The following SNX18 variants were observed in gnomAD, a reference collection of about 807,000 sequenced individuals.
SNX18 encodes the protein sorting nexin-18.
Under a neutral mutation model 48.7 loss-of-function variants are expected in SNX18, and 35 were observed. The observed-to-expected ratio is 0.72, with a 90% confidence interval of 0.55 to 0.95. SNX18 has a LOEUF of 0.95. Ranked by LOEUF, SNX18 falls within the 40% of genes least tolerant of loss-of-function variation. The pLI is 0.00. For missense variants in SNX18, 824 were observed against 871.0 expected (o/e 0.95, Z 0.68); for synonymous variants, 492 against 384.7 (o/e 1.28, Z -3.26).
At chr5:54,550,961 T>C (rs1005513414), downstream of SNX18, among the ~76,000 whole-genome samples, 1 of 151,496 alleles carries the variant, frequency 6.6e-6, no homozygotes, top group Non-Finnish European at 1.5e-5. Context: ...GGAATGGGAA[T>C]GGGGGGCAGG....
chr5:54,565,730 T>G, the SNX18 span, among the ~76,000 whole-genome samples: 1 of 152,166 alleles, frequency 6.6e-6, no homozygotes, highest in Non-Finnish European at 1.5e-5. Context: ...CTGTTATCAG[T>G]AGGGACTTGA....
At chr5:54,534,524 T>G (rs1762314486) in intron 1 of SNX18, among the ~76,000 whole-genome samples, 1 of 152,044 alleles carries the variant, frequency 6.6e-6, no homozygotes, top group African/African-American at 2.4e-5. Flanking sequence ...CCTTGCCTGG[T>G]TAAAATGGCT....
the SNX18 span, among the ~76,000 whole-genome samples, chr5:54,627,377 G>A: frequency 7.9e-5 from 12 of 151,968 alleles, no homozygotes; most frequent in African/African-American, 2.4e-4. Flanking sequence ...CCTTTCCTGG[G>A]GATATGTTTT....
At chr5:54,605,279 A>C in the SNX18 span, among the ~76,000 whole-genome samples, 1 of 152,178 alleles carries the variant, frequency 6.6e-6, no homozygotes, top group Non-Finnish European at 1.5e-5. Context: ...CTGGGACTTA[A>C]GTCATAGACA....
the SNX18 span, among the ~76,000 whole-genome samples, chr5:54,565,936 A>G: frequency 1.3e-5 from 2 of 152,284 alleles, no homozygotes; most frequent in South Asian, 2.1e-4. Context: ...TTTCTGGGCC[A>G]TATGTGGAGA....
chr5:54,542,101 G>T (rs1031921093), intron 1 of SNX18, among the ~76,000 whole-genome samples: 3 of 152,186 alleles, frequency 2.0e-5, no homozygotes, highest in African/African-American at 7.2e-5. Flanking sequence ...GCTAGGCACA[G>T]TCGGGAAATC....
At chr5:54,521,573 T>C (rs1483253381) in intron 1 of SNX18, among the ~76,000 whole-genome samples, 1 of 151,478 alleles carries the variant, frequency 6.6e-6, no homozygotes, top group African/African-American at 2.4e-5. Flanking sequence ...TGGTGGCTCA[T>C]ACCTATAGTC....
chr5:54,526,634 A>G (rs981879455), intron 1 of SNX18, among the ~76,000 whole-genome samples: 3 of 152,212 alleles, frequency 2.0e-5, no homozygotes, highest in Non-Finnish European at 4.4e-5. Flanking sequence ...TTTATTCAAC[A>G]AATACGTATG....
intron 1 of SNX18, among the ~76,000 whole-genome samples, chr5:54,526,279 A>G (rs547906572): frequency 3.3e-5 from 5 of 151,324 alleles, no homozygotes; most frequent in African/African-American, 9.7e-5. Context: ...TAACTTTTTT[A>G]TTTTTTTTAG....
intron 1 of SNX18, among the ~76,000 whole-genome samples, chr5:54,534,242 T>TC (rs1431330482): frequency 1.3e-5 from 2 of 151,616 alleles, no homozygotes; most frequent in African/African-American, 2.4e-5. Flanking sequence ...TTTTTCTTTT[T>TC]TTTTTTTTTA....
intron 1 of SNX18, among the ~76,000 whole-genome samples, chr5:54,536,897 T>A (rs1762367947): frequency 6.6e-6 from 1 of 152,200 alleles, no homozygotes; most frequent in South Asian, 2.1e-4. Context: ...ACCTGTTGTT[T>A]CCTGATTTTC....
chr5:54,604,770 T>A, the SNX18 span, among the ~76,000 whole-genome samples: 1 of 152,156 alleles, frequency 6.6e-6, no homozygotes, highest in Admixed American at 6.5e-5. Context: ...AATGGCAAAA[T>A]TTGTGATGTA....
At chr5:54,561,174 C>T in the SNX18 span, among the ~76,000 whole-genome samples, 1 of 152,142 alleles carries the variant, frequency 6.6e-6, no homozygotes, top group Non-Finnish European at 1.5e-5. Context: ...TCCCAAGTAG[C>T]TGGGATTACA....
At chr5:54,552,627 C>T in the SNX18 span, among the ~76,000 whole-genome samples, 12 of 152,274 alleles carry the variant, frequency 7.9e-5, no homozygotes, top group Middle Eastern at 3.4e-3. Flanking sequence ...GCCATCGGCA[C>T]GGTGGAGACA....
the SNX18 span, among the ~76,000 whole-genome samples, chr5:54,588,306 C>CTTTTTTTTTTTTTTTTTTTTTTTTTTTTT: frequency 2.7e-5 from 2 of 73,910 alleles, no homozygotes; most frequent in Admixed American, 1.9e-4. Flanking sequence ...TATTTCTATT[C>CTTTTTTTTTTTTTTTTTTTTTTTTTTTTT]TTTTTTTTTT....
the SNX18 span, among the ~76,000 whole-genome samples, chr5:54,561,908 T>C: frequency 6.6e-6 from 1 of 152,180 alleles, no homozygotes; most frequent in Non-Finnish European, 1.5e-5. Flanking sequence ...GGCAACAGTA[T>C]TAAAGTTTGA....
chr5:54,588,803 G>A, the SNX18 span, among the ~76,000 whole-genome samples: 19 of 152,288 alleles, frequency 1.2e-4, no homozygotes, highest in African/African-American at 4.3e-4. Context: ...TATCATCAAA[G>A]AGAATGTAAC....
At chr5:54,607,572 C>T in the SNX18 span, among the ~76,000 whole-genome samples, 1 of 152,120 alleles carries the variant, frequency 6.6e-6, no homozygotes, top group African/African-American at 2.4e-5. Flanking sequence ...GTATGCATCA[C>T]AATTTGTTTA....
the SNX18 span, among the ~76,000 whole-genome samples, chr5:54,612,942 C>T: frequency 2.0e-5 from 3 of 152,218 alleles, no homozygotes; most frequent in African/African-American, 7.2e-5. Flanking sequence ...AATCGGAGAC[C>T]TTTTCCCTTC....
Sources: allele counts gnomAD v4.1 joint callset (sites outside exome capture counted in the v4.1 genomes callset), GRCh38; gene constraint gnomAD v4.1.1; transcripts MANE v1.5; gene names NCBI Gene and HGNC (gene_info 2026-07-23, HGNC 2026-07-21).